KCNQ3: variants seen among roughly 807,000 people sequenced by gnomAD.
KCNQ3 encodes potassium voltage-gated channel subfamily KQT member 3.
Under a neutral mutation model 92.5 loss-of-function variants are expected in KCNQ3, and 30 were observed. That is an observed-to-expected ratio of 0.32 (90% CI 0.24 to 0.44). The LOEUF is 0.44. Among genes scored for constraint, KCNQ3 ranks in the 20% least tolerant of loss-of-function variants. The pLI, the probability that KCNQ3 is intolerant of heterozygous loss-of-function variation, is 1.00. For synonymous variants in KCNQ3, 450 were observed against 468.8 expected (o/e 0.96, Z 0.52); for missense variants, 913 against 1,140.3 (o/e 0.80, Z 2.87).
chr8:132,317,865 G>C (rs1362502556), intron 1 of KCNQ3, among the ~76,000 whole-genome samples: 1 of 152,172 alleles, frequency 6.6e-6, no homozygotes, highest in Admixed American at 6.5e-5. Context: ...AAGGGGAGCT[G>C]GGGGAACTTT....
chr8:132,178,500 T>G (rs1307191744), intron 4 of KCNQ3, among the ~76,000 whole-genome samples: 1 of 152,202 alleles, frequency 6.6e-6, no homozygotes, highest in Non-Finnish European at 1.5e-5. Flanking sequence ...TACCAGGCAC[T>G]TAAATGCACA....
chr8:132,435,828 T>C (rs1821379885), intron 1 of KCNQ3, among the ~76,000 whole-genome samples: 1 of 152,142 alleles, frequency 6.6e-6, no homozygotes, highest in Non-Finnish European at 1.5e-5. Flanking sequence ...TGGGCCACCA[T>C]TTTTTCAAGA....
At chr8:132,274,691 C>T (rs1012367116) in intron 1 of KCNQ3, among the ~76,000 whole-genome samples, 13 of 152,150 alleles carry the variant, frequency 8.5e-5, no homozygotes, top group Non-Finnish European at 1.5e-4. Flanking sequence ...TACCTGTCTT[C>T]AAGGAACATG....
chr8:132,414,608 T>C (rs2597332), intron 1 of KCNQ3, among the ~76,000 whole-genome samples: 34,823 of 152,122 alleles, frequency 0.23, 4,580 homozygotes, highest in African/African-American at 0.34. Flanking sequence ...GGAAGGGGAA[T>C]GAGGGGACCC....
At chr8:132,232,029 C>T (rs768825180) in intron 1 of KCNQ3, among the ~76,000 whole-genome samples, 3 of 152,130 alleles carry the variant, frequency 2.0e-5, no homozygotes, top group Non-Finnish European at 1.5e-5. Context: ...GGAGAGTTAA[C>T]GGAGCATCAG....
chr8:132,269,217 G>T (rs1344060240), intron 1 of KCNQ3, among the ~76,000 whole-genome samples: 2 of 152,078 alleles, frequency 1.3e-5, no homozygotes, highest in African/African-American at 4.8e-5. Flanking sequence ...TCATTTTAAT[G>T]AAGTCCAGCT....
At chr8:132,387,147 T>G (rs1819910245) in intron 1 of KCNQ3, among the ~76,000 whole-genome samples, 1 of 151,776 alleles carries the variant, frequency 6.6e-6, no homozygotes, top group Admixed American at 6.6e-5. Context: ...GGTAGGAGAG[T>G]TTAGAGCATA....
chr8:132,166,118 G>C (rs1194376788), intron 8 of KCNQ3, among the ~76,000 whole-genome samples: 1 of 152,140 alleles, frequency 6.6e-6, no homozygotes, highest in African/African-American at 2.4e-5. Context: ...AGTTCTCATA[G>C]CTAACAATTC....
intron 1 of KCNQ3, among the ~76,000 whole-genome samples, chr8:132,359,978 A>G (rs531155288): frequency 1.3e-5 from 2 of 152,250 alleles, no homozygotes; most frequent in South Asian, 2.1e-4. Context: ...TTAGTTTCTC[A>G]GGCTTGAACT....
intron 1 of KCNQ3, among the ~76,000 whole-genome samples, chr8:132,438,488 G>A (rs1821452931): frequency 6.6e-6 from 1 of 152,164 alleles, no homozygotes; most frequent in South Asian, 2.1e-4. Flanking sequence ...TCTGTGGTCT[G>A]TGATGACCAA....
chr8:132,436,732 T>G (rs1232484682), intron 1 of KCNQ3, among the ~76,000 whole-genome samples: 1 of 152,198 alleles, frequency 6.6e-6, no homozygotes, highest in Non-Finnish European at 1.5e-5. Flanking sequence ...AGAAGTAAAA[T>G]AGCCAAACTG....
intron 1 of KCNQ3, among the ~76,000 whole-genome samples, chr8:132,200,211 A>G (rs1471075248): frequency 1.3e-5 from 2 of 152,204 alleles, no homozygotes; most frequent in African/African-American, 4.8e-5. Context: ...AAATCCACAA[A>G]GGTATAAAAT....
chr8:132,258,178 A>C (rs1229773096), intron 1 of KCNQ3, among the ~76,000 whole-genome samples: 1 of 152,214 alleles, frequency 6.6e-6, no homozygotes, highest in Non-Finnish European at 1.5e-5. Context: ...AGACAACTAT[A>C]GAACAATCCA....
chr8:132,460,495 C>T (rs1336686839), intron 1 of KCNQ3, among the ~76,000 whole-genome samples: 1 of 152,150 alleles, frequency 6.6e-6, no homozygotes, highest in Non-Finnish European at 1.5e-5. Context: ...AACCGTTAAA[C>T]TCCAGTACAC....
At chr8:132,240,125 C>G (rs1814940224) in intron 1 of KCNQ3, among the ~76,000 whole-genome samples, 1 of 151,242 alleles carries the variant, frequency 6.6e-6, no homozygotes, top group Non-Finnish European at 1.5e-5. Flanking sequence ...CCTCATGCCA[C>G]TAAATTTTGA....
Position 132,129,312 on chromosome 8 carries a change from C to T in KCNQ3, c.2569G>A (p.Gly857Arg), listed in dbSNP as rs768462698. 6.2e-7 allele frequency: 1 copy of T among 1,614,076 alleles called. No individual in the cohort carries two copies. The highest frequency in any genetic ancestry group is 1.7e-5 in the Admixed American group (1 of 60,036). Residue 857 changes from glycine to arginine, a missense_variant, in exon 15 of 15, where the codon GGG (glycine) becomes AGG (arginine). Gly to Arg is a moderately radical substitution (Grantham distance 125, BLOSUM62 -2). Around this residue, in one of 6 missense-constraint regions of KCNQ3, gnomAD observed 375 missense variants for 376.4 expected, o/e 1.00. Coordinates refer to ENST00000388996, the MANE Select transcript of KCNQ3 (RefSeq NM_004519.4). The surrounding 1 kb of genome is among the most constrained non-coding windows in gnomAD (Gnocchi z 5.9). The stretch of plus-strand genomic sequence containing the variant: ...CATACTGAATCAGAAATCCCATCCC[C>T]TGTGGACGACAGAGGCATGGAGCCG... The part of the protein sequence containing the change: ...PSGSMPLSST[G>R]DGISDSVWTP...
At chr8:132,398,119 A>G (rs1455575852) in intron 1 of KCNQ3, among the ~76,000 whole-genome samples, 2 of 152,180 alleles carry the variant, frequency 1.3e-5, no homozygotes, top group Non-Finnish European at 2.9e-5. Flanking sequence ...AATTTTTTTA[A>G]ATCATCAAGT....
chr8:132,350,171 G>A (rs548715302), intron 1 of KCNQ3, among the ~76,000 whole-genome samples: 1 of 152,326 alleles, frequency 6.6e-6, no homozygotes, highest in Non-Finnish European at 1.5e-5. Flanking sequence ...ACATCTTGCA[G>A]ACACTGAAGA....
rs1824662942 is a variant in KCNQ3, at chr8:132,126,283, C to T, written c.*2979G>A. On this transcript the variant is annotated 3_prime_UTR_variant, in exon 15 of 15. Coordinates refer to ENST00000388996, the MANE Select transcript of KCNQ3 (RefSeq NM_004519.4). ...ATGTTAACCAGTTCCATTGGATTATCATGCTGTTCCCTTGTCTGACAAAAG... is the reference window on the plus strand; with the variant it reads ...ATGTTAACCAGTTCCATTGGATTATTATGCTGTTCCCTTGTCTGACAAAAG... 6.6e-6 allele frequency: 1 copy of T among 152,136 alleles called. No individual in the cohort carries two copies. Among genetic ancestry groups the T allele is most frequent in the Non-Finnish European group, 1.5e-5 (1 of 68,034 alleles). 9.4% of individuals were successfully genotyped at this position (152,136 alleles called of 1,614,324 possible). A position where few individuals can be genotyped will look rare whatever the true frequency, so the allele number is the denominator to read the frequency against.
Sources: gnomAD v4.1 joint callset for allele counts (sites outside exome capture counted in the v4.1 genomes callset) on GRCh38, gnomAD v4.1.1 for gene constraint, gnomAD v4.1.1 regional missense constraint, Gnocchi (gnomAD v3.1) non-coding constraint, MANE v1.5 for transcripts, NCBI Gene and HGNC (gene_info 2026-07-23, HGNC 2026-07-21) for gene names.